DNAH7: variants seen among roughly 807,000 people sequenced by gnomAD.
DNAH7 encodes the protein axonemal beta dynein heavy chain 7.
DNAH7 carries 397 observed loss-of-function variants against 444.6 expected under a neutral mutation model. The ratio of observed to expected loss-of-function variants is 0.89; its 90% confidence interval spans 0.82 to 0.97. The LOEUF is 0.97. Ranked by LOEUF, DNAH7 falls within the 50% of genes least tolerant of loss-of-function variation. DNAH7 has a pLI of 0.00. For synonymous variants in DNAH7, 1,636 were observed against 1,624.4 expected (o/e 1.01, Z -0.17); for missense variants, 4,902 against 4,800.8 (o/e 1.02, Z -0.62).
intron 58 of DNAH7, among the ~76,000 whole-genome samples, chr2:195,785,171 A>G (rs557807027): frequency 6.6e-6 from 1 of 152,284 alleles, no homozygotes; most frequent in South Asian, 2.1e-4. Context: ...TTGGCCTCCC[A>G]AAGTGCTGGG....
intron 12 of DNAH7, among the ~76,000 whole-genome samples, chr2:195,991,286 G>A (rs929578025): frequency 6.6e-6 from 1 of 150,828 alleles, no homozygotes; most frequent in Non-Finnish European, 1.5e-5. Flanking sequence ...ATTCCCACAT[G>A]CTGACAATTG....
intron 42 of DNAH7, among the ~76,000 whole-genome samples, chr2:195,859,391 T>C (rs1259727898): frequency 6.6e-6 from 1 of 152,180 alleles, no homozygotes; most frequent in African/African-American, 2.4e-5. Flanking sequence ...TTAGAAATAA[T>C]GTAATATTTT....
intron 17 of DNAH7, 86 bp downstream of exon 17, chr2:195,969,862 C>T (rs1691725323): frequency 1.5e-6 from 2 of 1,323,782 alleles, no homozygotes; most frequent in Non-Finnish European, 2.1e-6. Context: ...TTATTTGAAT[C>T]TACTTCTTAA....
intron 14 of DNAH7, among the ~76,000 whole-genome samples, chr2:195,986,032 T>C (rs1288577527): frequency 6.6e-6 from 1 of 152,176 alleles, no homozygotes; most frequent in African/African-American, 2.4e-5. Context: ...CTTCTCTTCC[T>C]GGAATTATTT....
intron 46 of DNAH7, among the ~76,000 whole-genome samples, chr2:195,852,937 G>C (rs1574568825): frequency 1.3e-5 from 2 of 150,314 alleles, no homozygotes; most frequent in African/African-American, 5.0e-5. Flanking sequence ...GAGAGAGAGA[G>C]AGAGAGAGAG....
At chr2:195,781,249 A>T (rs1166789867) in intron 58 of DNAH7, among the ~76,000 whole-genome samples, 1 of 152,214 alleles carries the variant, frequency 6.6e-6, no homozygotes, top group Admixed American at 6.5e-5. Flanking sequence ...AGAAAACTCA[A>T]TGCAAATCAA....
intron 18 of DNAH7, among the ~76,000 whole-genome samples, chr2:195,959,776 C>G (rs774764471): frequency 5.3e-5 from 8 of 152,176 alleles, no homozygotes; most frequent in Non-Finnish European, 1.0e-4. Context: ...TAGTTTCATT[C>G]TTTTTCACTT....
At chr2:195,994,848 G>C (rs966268247) in intron 12 of DNAH7, 1 of 428,482 alleles carries the variant, frequency 2.3e-6, no homozygotes, top group Non-Finnish European at 4.5e-6. Context: ...CTTCCTGACT[G>C]AGCTTGGTTG....
At chr2:195,773,638 A>G (rs1443861624) in intron 60 of DNAH7, among the ~76,000 whole-genome samples, 1 of 152,122 alleles carries the variant, frequency 6.6e-6, no homozygotes. Context: ...CTTCTTTACT[A>G]TCTTTCTTTA....
At chr2:195,876,068 T>C (rs1242292261) in intron 37 of DNAH7, among the ~76,000 whole-genome samples, 1 of 152,230 alleles carries the variant, frequency 6.6e-6, no homozygotes, top group Non-Finnish European at 1.5e-5. Context: ...CTTCGTAGGT[T>C]AATAGCTTAG....
At chr2:195,988,748 G>A (rs1056754909) in intron 12 of DNAH7, among the ~76,000 whole-genome samples, 1 of 151,906 alleles carries the variant, frequency 6.6e-6, no homozygotes, top group African/African-American at 2.4e-5. Context: ...GTTAACTATA[G>A]TCACCCTAAT....
chr2:196,023,429 C>A (rs1001185992), intron 8 of DNAH7, among the ~76,000 whole-genome samples: 1 of 152,198 alleles, frequency 6.6e-6, no homozygotes, highest in Non-Finnish European at 1.5e-5. Flanking sequence ...TAACACAGAA[C>A]CCAATAGTTA....
At chr2:195,759,434 G>T (rs537294592) in intron 61 of DNAH7, among the ~76,000 whole-genome samples, 2 of 152,172 alleles carry the variant, frequency 1.3e-5, no homozygotes, top group African/African-American at 2.4e-5. Flanking sequence ...GAGACTCAGT[G>T]CCATGCAGGC....
intron 47 of DNAH7, among the ~76,000 whole-genome samples, chr2:195,843,229 A>G (rs1248904196): frequency 6.6e-6 from 1 of 152,196 alleles, no homozygotes; most frequent in Admixed American, 6.5e-5. Context: ...AAGTAATTCA[A>G]CAACGAGCTG....
chr2:196,034,811 C>T (rs2125808234), intron 5 of DNAH7, among the ~76,000 whole-genome samples: 1 of 152,244 alleles, frequency 6.6e-6, no homozygotes, highest in East Asian at 1.9e-4. Context: ...AATTGAACAT[C>T]AAACCGTACC....
intron 54 of DNAH7, among the ~76,000 whole-genome samples, chr2:195,804,086 A>G (rs766538015): frequency 6.6e-6 from 1 of 152,080 alleles, no homozygotes; most frequent in Non-Finnish European, 1.5e-5. Flanking sequence ...AATTGTGCTC[A>G]TGGAGCATAC....
intron 21 of DNAH7, 32 bp from the exon 22 acceptor site, chr2:195,926,598 C>T: frequency 1.3e-6 from 2 of 1,541,360 alleles, no homozygotes; most frequent in East Asian, 2.4e-5. Flanking sequence ...AAATATTAAC[C>T]ATTTCCTGAA....
chr2:195,842,353 T>C (rs577937639), intron 47 of DNAH7, among the ~76,000 whole-genome samples: 1 of 152,196 alleles, frequency 6.6e-6, no homozygotes, highest in South Asian at 2.1e-4. Context: ...AATCGTCTCC[T>C]CACTCAGCTA....
At chr2:195,908,749 T>C (rs775094412) in intron 25 of DNAH7, among the ~76,000 whole-genome samples, 22 of 152,186 alleles carry the variant, frequency 1.4e-4, no homozygotes, top group Non-Finnish European at 3.1e-4. Context: ...AGGTTGTAAA[T>C]CATTACAGAG....
Sources: allele counts gnomAD v4.1 joint callset (sites outside exome capture counted in the v4.1 genomes callset), GRCh38; gene constraint gnomAD v4.1.1; transcripts MANE v1.5; gene names NCBI Gene and HGNC (gene_info 2026-07-23, HGNC 2026-07-21).